COL17A1: variants seen among roughly 807,000 people sequenced by gnomAD.
COL17A1 encodes collagen type XVII alpha 1 chain.
In COL17A1, 181 loss-of-function variants were observed where a neutral mutation model predicts 218.4. The observed-to-expected ratio is 0.83, with a 90% confidence interval of 0.73 to 0.94. The LOEUF (loss-of-function observed/expected upper bound fraction) is 0.94. Among genes scored for constraint, COL17A1 ranks in the 40% least tolerant of loss-of-function variants. The pLI is 0.00. For missense variants in COL17A1, 1,924 were observed against 1,945.9 expected (o/e 0.99, Z 0.21); for synonymous variants, 721 against 731.0 (o/e 0.99, Z 0.22).
At chr10:104,043,762 G>A (rs919153692) in intron 34 of COL17A1, 63 bp downstream of exon 34, 2 of 1,594,446 alleles carry the variant, frequency 1.3e-6, no homozygotes, top group Admixed American at 3.3e-5. Context: ...ACGCTGCAGA[G>A]TCAAGGTAGG....
In COL17A1 at chr10:104,042,436, A is replaced by T. The variant is rs1272165419; in HGVS notation, c.2535T>A (p.Gly845=). 6.2e-7 allele frequency: 1 copy of T among 1,613,918 alleles called. No individual in the cohort carries two copies. The highest frequency in any genetic ancestry group is 8.5e-7 in the Non-Finnish European group (1 of 1,180,020). ...PGAPGPAGPA[G]LPGHQEVLNL... is the part of the protein sequence containing the mutation. ...GTGACATACCTTGATGTCCTGGGAG[A>T]CCAGCTGGGCCGGCAGGGCCTGGAA... The change falls in exon 36 of 56, where the codon GGT becomes GGA. Residue 845 remains glycine (G), a synonymous_variant. Transcript: ENST00000648076.
intron 38 of COL17A1, 44 bp from the exon 39 acceptor site, chr10:104,041,162 G>A: frequency 6.2e-7 from 1 of 1,609,092 alleles, no homozygotes; most frequent in Non-Finnish European, 8.5e-7. Flanking sequence ...CAAGAGGGGA[G>A]CCAGGAACCC....
At chr10:104,034,960 C>T (rs553150497) in intron 50 of COL17A1, among the ~76,000 whole-genome samples, 193 bp from the exon 51 acceptor site, 7 of 152,140 alleles carry the variant, frequency 4.6e-5, no homozygotes, top group African/African-American at 7.2e-5. Context: ...TGGCTGTTCC[C>T]GTCAGGCTCT....
chr10:104,034,575 A>G, intron 51 of COL17A1, 46 bp downstream of exon 51: 1 of 1,595,252 alleles, frequency 6.3e-7, no homozygotes. Flanking sequence ...AGGGAAAAGC[A>G]AGGCCTGCGG....
In COL17A1 at chr10:104,034,306, G is replaced by A. The variant is rs1589554920; in HGVS notation, c.3795C>T (p.Gly1265=). The A allele has an allele frequency of 1.9e-6, 3 of 1,572,958 alleles. No homozygotes were observed. The highest frequency in any genetic ancestry group is 1.4e-5 in the African/African-American group (1 of 74,034). Residue 1265 remains glycine (G), a synonymous_variant, in exon 52 of 56, where the codon GGC becomes GGT. Coordinates refer to ENST00000648076, the MANE Select transcript of COL17A1 (RefSeq NM_000494.4). ...CCTGCGGCCCAGGAGGGCCTGGGGG[G>A]CCAACAATGAAGCTGCGCACATCAG... is the stretch of plus-strand genomic sequence containing the variant. ...TSPDVRSFIV[G]PPGPPGPQGP...
intron 33 of COL17A1, among the ~76,000 whole-genome samples, chr10:104,045,206 C>T (rs1381117367): frequency 6.6e-6 from 1 of 152,174 alleles, no homozygotes; most frequent in Non-Finnish European, 1.5e-5. Context: ...CCCAGTCAGA[C>T]CCCCGAGGAT....
At chr10:104,041,226 G>T (rs2086356260) in intron 38 of COL17A1, 77 bp downstream of exon 38, 1 of 1,592,802 alleles carries the variant, frequency 6.3e-7, no homozygotes, top group Non-Finnish European at 8.6e-7. Flanking sequence ...AGCCCAGAGG[G>T]CCCTGGGCTC....
chr10:104,033,028 A>C, intron 53 of COL17A1, 60 bp from the exon 54 acceptor site: 1 of 1,585,476 alleles, frequency 6.3e-7, no homozygotes. Context: ...TTGGGACATC[A>C]AGTCATTTGT....
intron 8 of COL17A1, among the ~76,000 whole-genome samples, chr10:104,071,405 C>G (rs1203858827): frequency 1.3e-5 from 2 of 152,176 alleles, no homozygotes; most frequent in African/African-American, 4.8e-5. Flanking sequence ...CTTTCTTCTA[C>G]TCCTTGAACA....
chr10:104,061,028 T>C (rs2086577660), intron 13 of COL17A1, among the ~76,000 whole-genome samples: 1 of 152,166 alleles, frequency 6.6e-6, no homozygotes, highest in African/African-American at 2.4e-5. Flanking sequence ...AAAGTTGATA[T>C]AGATTTTGTA....
Position 104,039,506 on chromosome 10 carries a change from G to C in COL17A1, c.2835C>G (p.Phe945Leu), listed in dbSNP as rs144329737. The C allele has an allele frequency of 2.5e-6, 4 of 1,613,866 alleles. No individual in the cohort carries two copies. Among genetic ancestry groups the C allele is most frequent in the Non-Finnish European group, 2.5e-6 (3 of 1,179,964 alleles). Residue 945 changes from phenylalanine to leucine, a missense_variant, in exon 43 of 56, where the codon TTC (phenylalanine) becomes TTG (leucine). By Grantham distance (22) the Phe-to-Leu change is conservative (BLOSUM62 0). Transcript: ENST00000648076. Reference sequence around the variant, plus strand: ...CTGGTGGTCCCTGAAGGTTGAGTCCGAAAGAACTGGACCCTGGAAGCCAAC... The same window carrying C: ...CTGGTGGTCCCTGAAGGTTGAGTCCCAAAGAACTGGACCCTGGAAGCCAAC... Reference protein sequence around the residue: ...PGFSTSGSSSFGLNLQGPPGP... With the variant: ...PGFSTSGSSSLGLNLQGPPGP...
intron 1 of COL17A1, among the ~76,000 whole-genome samples, chr10:104,083,178 C>T (rs561168295): frequency 1.3e-5 from 2 of 152,152 alleles, no homozygotes; most frequent in Non-Finnish European, 2.9e-5. Flanking sequence ...TCCCATGGGA[C>T]CTACAGTATA....
Position 104,050,578 on chromosome 10 carries a change from G to A in COL17A1, c.2128+43C>T, listed in dbSNP as rs760932041. ...GGGTCCCATCTGGGCTCCCAGGAGT[G>A]AGGCAGGCCCTGGTAATGACAGAGC... On this transcript the variant is annotated intron_variant, in intron 27 of 55. Transcript: ENST00000648076. 10 of 1,612,500 alleles carry A rather than the reference G, an allele frequency of 6.2e-6. 1 individual carries two copies. The Admixed American group carries it at 8.3e-5, about 13-fold the overall frequency.
rs1182433238 is a variant in COL17A1, at chr10:104,050,890, G to A, written c.2050C>T (p.Leu684Phe). ...GPQGPPGPVG[L>F]QGLRGEVGLP... is the part of the protein sequence containing the mutation. ...CCTACTTCACCTCGGAGCCCTTGGAGACCTACAGGACCTGCCCGGCAGAAG... is the reference window on the plus strand; with the variant it reads ...CCTACTTCACCTCGGAGCCCTTGGAAACCTACAGGACCTGCCCGGCAGAAG... Residue 684 changes from leucine (L) to phenylalanine (F), a missense_variant, in exon 26 of 56, where the codon CTC (leucine) becomes TTC (phenylalanine). Physicochemically the swap from Leu to Phe is conservative, Grantham distance 22. Transcript: ENST00000648076. 7 of 1,614,076 alleles carry A rather than the reference G, an allele frequency of 4.3e-6. No individual in the cohort carries two copies. The highest frequency in any genetic ancestry group is 5.1e-6 in the Non-Finnish European group (6 of 1,180,044).
rs777927213 is a variant in COL17A1 at position 104,032,928 on chromosome 10, C to G, written c.4335G>C (p.Glu1445Asp). The G allele has an allele frequency of 6.2e-7, 1 of 1,614,156 alleles. No homozygotes were observed. The highest frequency in any genetic ancestry group is 2.2e-5 in the East Asian group (1 of 44,870). Residue 1445 changes from glutamate to aspartate, a missense_variant, in exon 54 of 56, where the codon GAG becomes GAC. Glu to Asp is a conservative substitution (Grantham distance 45). Coordinates refer to ENST00000648076, the MANE Select transcript of COL17A1 (RefSeq NM_000494.4). ...AIQGPPGQKG[E>D]MGTPGPKGDR... The stretch of plus-strand genomic sequence containing the variant: ...TACCTTTGGGTCCTGGAGTGCCCAT[C>G]TCTCCTTTTTGCCCAGGGGGTCCTT...
At position 104,036,501 on chromosome 10, in the gene COL17A1, A is replaced by G. The variant is rs2086300432; in HGVS notation, c.3409T>C (p.Tyr1137His). Residue 1137 changes from tyrosine to histidine, a missense_variant, in exon 48 of 56, where the codon TAC becomes CAC. Transcript: ENST00000648076. ...YAELSSRILS[Y>H]MSSSGISIGL... The stretch of plus-strand genomic sequence containing the variant: ...TCCTGCAGACACTTACTCGACATGT[A>G]GCTGAGAATGCGACTACTCAGCTCT... The G allele has an allele frequency of 1.2e-6, 2 of 1,613,722 alleles. No homozygotes were observed. The highest frequency in any genetic ancestry group is 1.7e-6 in the Non-Finnish European group (2 of 1,179,910).
intron 33 of COL17A1, among the ~76,000 whole-genome samples, chr10:104,045,440 G>A (rs2086399114): frequency 6.6e-6 from 1 of 152,190 alleles, no homozygotes; most frequent in South Asian, 2.1e-4. Context: ...GGCATTTAGA[G>A]GCAAAACAGG....
Position 104,047,726 on chromosome 10 carries a change from C to T in COL17A1, c.2335+13G>A. 6 of 1,612,056 alleles carry T rather than the reference C, an allele frequency of 3.7e-6. No individual in the cohort carries two copies. The highest frequency in any genetic ancestry group is 5.1e-6 in the Non-Finnish European group (6 of 1,178,168). On this transcript the variant is annotated intron_variant, in intron 31 of 55. Transcript: ENST00000648076. The stretch of plus-strand genomic sequence containing the variant: ...CTAAGCAGGGCCATGGCTCCCTCTT[C>T]CTGCTCTGTTACCTGGCTTTCCTGG...
Position 104,052,202 on chromosome 10 carries a change from G to C in COL17A1, c.1955C>G (p.Pro652Arg), listed in dbSNP as rs1400953789. 2 of 1,614,012 alleles carry C rather than the reference G, an allele frequency of 1.2e-6. No homozygotes were observed. Among genetic ancestry groups the C allele is most frequent in the African/African-American group, 2.7e-5 (2 of 74,912 alleles). Reference sequence around the variant, plus strand: ...GACACCAGGTGGGCCATGAGGACCTGGTTCACCAGCAGCCCCTGAGGAGAA... The same window carrying C: ...GACACCAGGTGGGCCATGAGGACCTCGTTCACCAGCAGCCCCTGAGGAGAA... ...EKGERGAAGE[P>R]GPHGPPGVPG... Residue 652 changes from proline (P) to arginine (R), a missense_variant, in exon 24 of 56, where the codon CCA becomes CGA. Physicochemically the swap from Pro to Arg is moderately radical, Grantham distance 103. Transcript: ENST00000648076.
Sources: gnomAD v4.1 joint callset for allele counts (sites outside exome capture counted in the v4.1 genomes callset) on GRCh38, gnomAD v4.1.1 for gene constraint, MANE v1.5 for transcripts, NCBI Gene and HGNC (gene_info 2026-07-23, HGNC 2026-07-21) for gene names.